The following SEMA6C variants were observed in gnomAD, a reference collection of about 807,000 sequenced individuals.
SEMA6C encodes the protein semaphorin 6C, also known as semaphorin-6C.
In SEMA6C, 37 loss-of-function variants were observed where a neutral mutation model predicts 72.9. That is an observed-to-expected ratio of 0.51 (90% CI 0.39 to 0.67). SEMA6C has a LOEUF of 0.67. Among genes scored for constraint, SEMA6C ranks in the 30% least tolerant of loss-of-function variants. The probability of loss-of-function intolerance (pLI) is 0.00; values close to 1 mark genes in which losing one functional copy is unlikely to be tolerated. For synonymous variants in SEMA6C, 578 were observed against 554.1 expected (o/e 1.04, Z -0.61); for missense variants, 1,189 against 1,263.6 (o/e 0.94, Z 0.89).
intron 6 of SEMA6C, among the ~76,000 whole-genome samples, chr1:151,138,937 CA>C (rs1300031543): frequency 2.0e-5 from 3 of 151,930 alleles, no homozygotes; most frequent in Non-Finnish European, 2.9e-5. Flanking sequence ...TACTAAAATA[CA>C]AAAAATTAGC....
intron 3 of SEMA6C, 121 bp from the exon 4 acceptor site, chr1:151,140,211 ATTC>A: frequency 2.7e-6 from 2 of 743,558 alleles, no homozygotes; most frequent in South Asian, 3.1e-5. Context: ...CCCAAAAGCT[ATTC>A]TTAATACCAA....
chr1:151,132,921 G>T lies in SEMA6C; in HGVS notation c.2356C>A (p.Pro786Thr). Reference sequence around the variant, plus strand: ...GCCCGCGAGGTTAAAGGGGCGGGGGGCTCGGCCCCCTTTCTGGGCGGCTGC... The same window carrying T: ...GCCCGCGAGGTTAAAGGGGCGGGGGTCTCGGCCCCCTTTCTGGGCGGCTGC... ...GPQPPRKGAE[P>T]PAPLTSRALP... Residue 786 changes from proline (P) to threonine (T), a missense_variant, in exon 19 of 19, where the codon CCC (proline) becomes ACC (threonine). Pro to Thr is a conservative substitution (Grantham distance 38). Around this residue, in one of 2 missense-constraint regions of SEMA6C, gnomAD observed 721 missense variants for 686.2 expected, o/e 1.05. Coordinates refer to ENST00000368914, the MANE Select transcript of SEMA6C (RefSeq NM_030913.6). The T allele has an allele frequency of 1.4e-6, 2 of 1,388,268 alleles. No homozygotes were observed. Among genetic ancestry groups the T allele is most frequent in the African/African-American group, 1.6e-5 (1 of 64,360 alleles). 86.0% of individuals were successfully genotyped at this position (1,388,268 alleles called of 1,614,324 possible).
Position 151,133,041 on chromosome 1 carries a change from G to A in SEMA6C, c.2236C>T (p.Pro746Ser). The stretch of plus-strand genomic sequence containing the variant: ...GGCGGTGGCCTCACCAGCACGCGGG[G>A]CGCGGGCCCGCCCGCCGCGTGCCCG... ...RGGHAAGGPA[P>S]RVLVRPPPPG... The change falls in exon 19 of 19, where the codon CCC becomes TCC. Residue 746 changes from proline (P) to serine (S), a missense_variant. By Grantham distance (74) the Pro-to-Ser change is moderately conservative. Transcript: ENST00000368914. The surrounding 1 kb of genome is among the most constrained non-coding windows in gnomAD (Gnocchi z 5.9). The A allele has an allele frequency of 5.0e-6, 7 of 1,398,162 alleles. No homozygotes were observed. Among genetic ancestry groups the A allele is most frequent in the Non-Finnish European group, 6.5e-6 (7 of 1,083,190 alleles). The allele number at this position is 1,398,162 out of a possible 1,614,324, so 86.6% of individuals were successfully genotyped here.
At chr1:151,143,311 G>C (rs187325802) in intron 2 of SEMA6C, among the ~76,000 whole-genome samples, 1 of 151,822 alleles carries the variant, frequency 6.6e-6, no homozygotes, top group Non-Finnish European at 1.5e-5. Context: ...GAGAGTTGGT[G>C]GGGGGGACTG....
At chr1:151,137,899 A>G in intron 9 of SEMA6C, 87 bp downstream of exon 9, 2 of 1,585,406 alleles carry the variant, frequency 1.3e-6, no homozygotes, top group Non-Finnish European at 1.7e-6. Flanking sequence ...CATACACACT[A>G]CCACACCATT....
Position 151,132,650 on chromosome 1 carries a change from G to C in SEMA6C, c.2627C>G (p.Ser876Cys). The C allele has an allele frequency of 6.5e-7, 1 of 1,550,106 alleles. No individual in the cohort carries two copies. The highest frequency in any genetic ancestry group is 8.7e-7 in the Non-Finnish European group (1 of 1,146,722). The change falls in exon 19 of 19, where the codon TCC becomes TGC. Residue 876 changes from serine (S) to cysteine (C), a missense_variant. Physicochemically the swap from Ser to Cys is moderately radical, Grantham distance 112. This residue lies in a region of SEMA6C where 721 missense variants were observed against 686.2 expected (regional missense o/e 1.05). Transcript: ENST00000368914. ...RVPSGGPSRYSGGPGKHLLYL... is the reference protein window; with the variant it reads ...RVPSGGPSRYCGGPGKHLLYL... ...CAGGAGGTGCTTCCCGGGACCCCCG[G>C]AGTACCTGGAGGGACCTCCCGAGGG...
In SEMA6C at chr1:151,136,404, G is replaced by A. The variant is rs199848431; in HGVS notation, c.1106+44C>T. ...TCACAATCCCATCTTGGGGGCAGAC[G>A]CTGCTTGCTTCTGCCCCCACAAAAA... On this transcript the variant is annotated intron_variant, in intron 12 of 18. Coordinates refer to ENST00000368914, the MANE Select transcript of SEMA6C (RefSeq NM_030913.6). The A allele has an allele frequency of 2.5e-5, 40 of 1,598,912 alleles. 1 individual carries two copies. In the African/African-American group the frequency reaches 3.2e-4, roughly 13 times the overall value.
At chr1:151,138,752 G>C (rs752908363) in intron 6 of SEMA6C, 21 bp from the exon 7 acceptor site, 8 of 1,583,144 alleles carry the variant, frequency 5.1e-6, no homozygotes, top group Admixed American at 1.7e-5. Context: ...CAAAATTCTA[G>C]GTCAGTGACA....
chr1:151,134,203 G>A (rs1264055012), intron 18 of SEMA6C, 198 bp downstream of exon 18: 2 of 745,066 alleles, frequency 2.7e-6, no homozygotes, highest in Non-Finnish European at 4.5e-6. Context: ...GGCTCATCAT[G>A]CAGGACATTG....
intron 3 of SEMA6C, among the ~76,000 whole-genome samples, chr1:151,141,790 G>A (rs1436683067): frequency 6.8e-6 from 1 of 147,318 alleles, no homozygotes; most frequent in Non-Finnish European, 1.5e-5. Flanking sequence ...GACTCTGGCT[G>A]TGTTGCCCAG....
chr1:151,139,489 GA>G lies in SEMA6C; in HGVS notation c.298-9del. On this transcript the variant is annotated splice_polypyrimidine_tract_variant and intron_variant, in intron 5 of 18. Transcript: ENST00000368914. Reference sequence around the variant, plus strand: ...GCTTCTCCATGTTAGATACTGAAGGGATAAGTTGAAGAGGGAAAATCATGGG... The same window carrying G: ...GCTTCTCCATGTTAGATACTGAAGGGTAAGTTGAAGAGGGAAAATCATGGG... 6.2e-7 allele frequency: 1 copy of G among 1,613,760 alleles called. No homozygotes were observed.
rs1681690885 is a variant in SEMA6C at position 151,133,008 on chromosome 1, A to C, written c.2269T>G (p.Cys757Gly). ...GTGACTTCCACGGCCTGCCCGGGACAGCCGGGCGGCGGTGGCCTCACCAGC... is the reference window on the plus strand; with the variant it reads ...GTGACTTCCACGGCCTGCCCGGGACCGCCGGGCGGCGGTGGCCTCACCAGC... ...RVLVRPPPPG[C>G]PGQAVEVTTL... Residue 757 changes from cysteine to glycine, a missense_variant, in exon 19 of 19, where the codon TGT becomes GGT. Transcript: ENST00000368914. The surrounding 1 kb of genome is among the most constrained non-coding windows in gnomAD (Gnocchi z 5.9). 1 of 1,406,312 alleles carries C rather than the reference A, an allele frequency of 7.1e-7. No individual in the cohort carries two copies. The highest frequency in any genetic ancestry group is 9.3e-7 in the Non-Finnish European group (1 of 1,077,640). 87.1% of individuals were successfully genotyped at this position (1,406,312 alleles called of 1,614,324 possible). A position where few individuals can be genotyped will look rare whatever the true frequency, so the allele number is the denominator to read the frequency against.
chr1:151,132,855 TG>T lies in SEMA6C; in HGVS notation c.2421del (p.Ser808AlafsTer11), dbSNP rs1317832198. The T allele has an allele frequency of 7.8e-6, 10 of 1,275,868 alleles. 1 individual carries two copies. Among genetic ancestry groups the T allele is most frequent in the Non-Finnish European group, 9.9e-6 (10 of 1,012,358 alleles). The allele number at this position is 1,275,868 out of a possible 1,614,324, so 79.0% of individuals were successfully genotyped here. A position where few individuals can be genotyped will look rare whatever the true frequency, so the allele number is the denominator to read the frequency against. On this transcript the variant is annotated frameshift_variant, in exon 19 of 19. Transcript: ENST00000368914. LOFTEE classifies it low-confidence loss of function (END_TRUNC). Reference protein sequence around the residue: ...PEPAPALLGGPSPRPHECASP... With the variant: ...PEPAPALLGGXSPRPHECASP... The stretch of plus-strand genomic sequence containing the variant: ...GAGGCGCACTCGTGGGGCCTGGGGC[TG>T]GGGCCGCCCAAGAGGGCGGGGGCGG...
rs747009994 is a variant in SEMA6C, at chr1:151,132,470, G to T, written c.*14C>A. On this transcript the variant is annotated 3_prime_UTR_variant, in exon 19 of 19. Transcript: ENST00000368914. ...TCGGGCGCTCCCCACGCTGGAGGCCGTGGGCCGCTCCCTTTAAAAGTTGAA... is the reference window on the plus strand; with the variant it reads ...TCGGGCGCTCCCCACGCTGGAGGCCTTGGGCCGCTCCCTTTAAAAGTTGAA... The T allele has an allele frequency of 1.3e-6, 2 of 1,545,678 alleles. No individual in the cohort carries two copies. The highest frequency in any genetic ancestry group is 2.7e-5 in the African/African-American group (2 of 72,892).
chr1:151,141,653 C>T (rs182655295), intron 3 of SEMA6C, among the ~76,000 whole-genome samples: 104 of 151,910 alleles, frequency 6.8e-4, no homozygotes, highest in Non-Finnish European at 6.6e-4. Flanking sequence ...TCAGGTGATC[C>T]GCCTACCTTG....
intron 2 of SEMA6C, among the ~76,000 whole-genome samples, chr1:151,143,721 G>A (rs1682743481): frequency 6.6e-6 from 1 of 152,130 alleles, no homozygotes; most frequent in African/African-American, 2.4e-5. Flanking sequence ...ACCCTGGCTG[G>A]GGCCCACAGC....
In SEMA6C at chr1:151,132,401, C is replaced by T. The variant is rs1268503664; in HGVS notation, c.*83G>A. 10 of 1,521,970 alleles carry T rather than the reference C, an allele frequency of 6.6e-6. No homozygotes were observed. The highest frequency in any genetic ancestry group is 4.9e-5 in the East Asian group (2 of 40,594). The allele number at this position is 1,521,970 out of a possible 1,614,324, so 94.3% of individuals were successfully genotyped here. ...AGGCTGGAGGTGCGGGGCGAGGGGG[C>T]GGTGAAACGTCCTGAAGAGCGTCCA... is the stretch of plus-strand genomic sequence containing the variant. On this transcript the variant is annotated 3_prime_UTR_variant, in exon 19 of 19. Transcript: ENST00000368914.
chr1:151,136,089 G>A lies in SEMA6C; in HGVS notation c.1181C>T (p.Thr394Ile), dbSNP rs201209222. Residue 394 changes from threonine to isoleucine, a missense_variant, in exon 13 of 19, where the codon ACC becomes ATC. Physicochemically the swap from Thr to Ile is moderately conservative, Grantham distance 89. Coordinates refer to ENST00000368914, the MANE Select transcript of SEMA6C (RefSeq NM_030913.6). ...SSRDLPDDVL[T>I]FIKAHPLLDP... ...CAGCAGCGGGTGAGCCTTGATGAAG[G>A]TCAGGACATCATCAGGGAGGTCTCG... 533 of 1,614,118 alleles carry A rather than the reference G, an allele frequency of 3.3e-4. 2 individuals carry two copies. The South Asian group carries it at 4.6e-3, about 14-fold the overall frequency.
At chr1:151,139,373 T>G (rs1385940058) in intron 6 of SEMA6C, 52 bp downstream of exon 6, 21 of 1,490,268 alleles carry the variant, frequency 1.4e-5, no homozygotes, top group African/African-American at 8.3e-5. Flanking sequence ...GGACAGAGAC[T>G]GGGGGCAGAG....
Sources: gnomAD v4.1 joint callset for allele counts (sites outside exome capture counted in the v4.1 genomes callset) on GRCh38, gnomAD v4.1.1 for gene constraint, gnomAD v4.1.1 regional missense constraint, Gnocchi (gnomAD v3.1) non-coding constraint, MANE v1.5 for transcripts, NCBI Gene and HGNC (gene_info 2026-07-23, HGNC 2026-07-21) for gene names.